WWOX: variants seen among roughly 807,000 people sequenced by gnomAD.
WWOX encodes WW domain containing oxidoreductase.
WWOX carries 69 observed loss-of-function variants against 46.2 expected under a neutral mutation model. The observed-to-expected ratio is 1.49, with a 90% CI of 1.23 to 1.82. WWOX has a LOEUF of 1.82. Among genes scored for constraint, WWOX ranks in the 40% most tolerant of loss-of-function variants. The pLI, the probability that WWOX is intolerant of heterozygous loss-of-function variation, is 0.00. For synonymous variants in WWOX, 359 were observed against 202.6 expected (o/e 1.77, Z -6.56); for missense variants, 919 against 542.6 (o/e 1.69, Z -6.89).
At chr16:79,050,095 T>TTGC (rs1009499729) in intron 8 of WWOX, among the ~76,000 whole-genome samples, 2 of 152,146 alleles carry the variant, frequency 1.3e-5, no homozygotes, top group Admixed American at 6.5e-5. Flanking sequence ...AGTGACTTGG[T>TTGC]TGCTGCTGCT....
chr16:78,558,913 A>G (rs74974130), intron 8 of WWOX, among the ~76,000 whole-genome samples: 8,637 of 152,210 alleles, frequency 0.057, 305 homozygotes, highest in Non-Finnish European at 0.08. Flanking sequence ...TCCCATACTA[A>G]CCCCTACAAC....
At chr16:79,089,417 C>A (rs1221321943) in intron 8 of WWOX, among the ~76,000 whole-genome samples, 2 of 151,224 alleles carry the variant, frequency 1.3e-5, no homozygotes. Flanking sequence ...CTGCAACCTC[C>A]TCCTCCTGGG....
chr16:78,997,192 A>G (rs972699721), intron 8 of WWOX, among the ~76,000 whole-genome samples: 1 of 152,062 alleles, frequency 6.6e-6, no homozygotes, highest in African/African-American at 2.4e-5. Flanking sequence ...GGAGGAGAGG[A>G]TGCTTAACTC....
rs2082687263 is a variant in WWOX, at chr16:78,411,801, G to C, written c.606-13069G>C. Among the ~76,000 whole-genome samples, 3 of 152,216 alleles carry C rather than the reference G, an allele frequency of 2.0e-5. No individual in the cohort carries two copies. In the South Asian group the frequency reaches 6.2e-4, roughly 32 times the overall value. ...AGCTAGAAACATGGAGTGACATGAA[G>C]TCATTGTCTTAGGTTGGTGATCCTA... On this transcript the variant is annotated intron_variant, in intron 6 of 8. Coordinates refer to ENST00000566780, the MANE Select transcript of WWOX (RefSeq NM_016373.4).
intron 8 of WWOX, among the ~76,000 whole-genome samples, chr16:78,512,406 T>C (rs1163460957): frequency 6.6e-6 from 1 of 152,174 alleles, no homozygotes; most frequent in Non-Finnish European, 1.5e-5. Context: ...AAAATAATAC[T>C]GAGTTTTGAG....
rs571238551 is a variant in WWOX, at chr16:78,771,409, T to C, written c.1056+338657T>C. ...TACTGTTTGAGGTGATGAAAGAGTT[T>C]TGGAGATAGAAGTGATGGTTGTTCA... is the stretch of plus-strand genomic sequence containing the variant. On this transcript the variant is annotated intron_variant, in intron 8 of 8. Coordinates refer to ENST00000566780, the MANE Select transcript of WWOX (RefSeq NM_016373.4). Among the ~76,000 whole-genome samples the C allele has an allele frequency of 8.5e-5, 13 of 152,218 alleles. 1 individual carries two copies. The South Asian group carries it at 2.7e-3, about 32-fold the overall frequency.
At chr16:79,062,483 G>T (rs906227489) in intron 8 of WWOX, among the ~76,000 whole-genome samples, 13 of 152,172 alleles carry the variant, frequency 8.5e-5, no homozygotes, top group Admixed American at 6.5e-5. Context: ...GTAAATCACA[G>T]TGCAAACTAT....
chr16:79,161,510 G>A (rs2050486301), intron 8 of WWOX, among the ~76,000 whole-genome samples: 1 of 152,034 alleles, frequency 6.6e-6, no homozygotes, highest in Admixed American at 6.6e-5. Flanking sequence ...TTATGTCTAA[G>A]TTTTTTCACT....
At chr16:78,398,853 A>G (rs1160708252) in intron 6 of WWOX, among the ~76,000 whole-genome samples, 1 of 152,240 alleles carries the variant, frequency 6.6e-6, no homozygotes, top group Non-Finnish European at 1.5e-5. Context: ...ATACTTAATA[A>G]AAAAGTGAAT....
At chr16:78,430,556 AC>A (rs1313285560) in intron 7 of WWOX, among the ~76,000 whole-genome samples, 2 of 152,108 alleles carry the variant, frequency 1.3e-5, no homozygotes, top group Non-Finnish European at 2.9e-5. Context: ...CATCCCTGCT[AC>A]CATCACCAGC....
At chr16:79,110,684 C>T (rs188886900) in intron 8 of WWOX, 1 of 152,118 alleles carries the variant, frequency 6.6e-6, no homozygotes, top group Non-Finnish European at 1.5e-5. Context: ...CTCTTGTAGT[C>T]AGGGAAATGA....
At chr16:78,737,128 C>G (rs964704871) in intron 8 of WWOX, among the ~76,000 whole-genome samples, 2 of 151,858 alleles carry the variant, frequency 1.3e-5, no homozygotes, top group Admixed American at 1.3e-4. Context: ...GAGATGGAGT[C>G]TCACTCTGTC....
At chr16:78,383,433 A>C (rs1031951879) in intron 5 of WWOX, among the ~76,000 whole-genome samples, 1 of 152,170 alleles carries the variant, frequency 6.6e-6, no homozygotes, top group African/African-American at 2.4e-5. Context: ...AAACCAATAA[A>C]GTGAATTATG....
At chr16:78,424,726 G>A in intron 6 of WWOX, 144 bp from the exon 7 acceptor site, 1 of 977,196 alleles carries the variant, frequency 1.0e-6, no homozygotes, top group Non-Finnish European at 1.6e-6. Flanking sequence ...AGAAGACGGA[G>A]AAAGAATTTC....
intron 8 of WWOX, among the ~76,000 whole-genome samples, chr16:79,019,149 C>A (rs2047476865): frequency 9.6e-6 from 1 of 104,528 alleles, no homozygotes; most frequent in Non-Finnish European, 1.7e-5. Context: ...CAGAGTGCGA[C>A]CTTGTCTCAA....
intron 8 of WWOX, among the ~76,000 whole-genome samples, chr16:78,785,862 T>C (rs935436414): frequency 2.6e-5 from 4 of 151,866 alleles, no homozygotes; most frequent in African/African-American, 9.7e-5. Flanking sequence ...TAATGTAGCA[T>C]CTGTAGAGCG....
intron 8 of WWOX, among the ~76,000 whole-genome samples, chr16:79,208,624 T>G (rs940749153): frequency 1.9e-5 from 2 of 103,286 alleles, no homozygotes; most frequent in Non-Finnish European, 4.1e-5. Context: ...ATTAAAGTGC[T>G]CTTTAAATTT....
At chr16:78,642,400 T>C (rs1205235189) in intron 8 of WWOX, among the ~76,000 whole-genome samples, 2 of 152,334 alleles carry the variant, frequency 1.3e-5, no homozygotes, top group East Asian at 3.9e-4. Context: ...GCTCAAAGTC[T>C]CTCTCCTTGC....
intron 5 of WWOX, among the ~76,000 whole-genome samples, chr16:78,226,835 G>A (rs1488339013): frequency 6.6e-6 from 1 of 152,134 alleles, no homozygotes; most frequent in Admixed American, 6.5e-5. Context: ...GCTGAGGGCT[G>A]CTCCCAGCCT....
Sources: allele counts gnomAD v4.1 joint callset (sites outside exome capture counted in the v4.1 genomes callset), GRCh38; gene constraint gnomAD v4.1.1; transcripts MANE v1.5; gene names NCBI Gene and HGNC (gene_info 2026-07-23, HGNC 2026-07-21).